Variants in ANTXR2 observed in about 807,000 individuals in gnomAD.
ANTXR2 encodes anthrax toxin receptor 2.
Under a neutral mutation model 73.7 loss-of-function variants are expected in ANTXR2, and 44 were observed. That is an observed-to-expected ratio of 0.60 (90% confidence interval 0.47 to 0.77). The LOEUF (loss-of-function observed/expected upper bound fraction) is 0.77. Ranked by LOEUF, ANTXR2 falls within the 30% of genes least tolerant of loss-of-function variation. The pLI is 0.00. For missense variants in ANTXR2, 604 were observed against 592.5 expected (o/e 1.02, Z -0.20); for synonymous variants, 217 against 205.9 (o/e 1.05, Z -0.46).
At chr4:79,917,356 A>G (rs559242122) in intron 16 of ANTXR2, among the ~76,000 whole-genome samples, 16 of 152,224 alleles carry the variant, frequency 1.1e-4, no homozygotes, top group African/African-American at 3.9e-4. Context: ...GCCTTCCCCA[A>G]CCACAAGGTG....
At chr4:79,995,657 C>T (rs571281012) in intron 12 of ANTXR2, among the ~76,000 whole-genome samples, 11 of 151,832 alleles carry the variant, frequency 7.2e-5, no homozygotes, top group Non-Finnish European at 1.5e-4. Flanking sequence ...ATAAATATGG[C>T]CATATGTCTA....
chr4:80,017,742 A>G (rs1274476404), intron 11 of ANTXR2, among the ~76,000 whole-genome samples: 1 of 152,190 alleles, frequency 6.6e-6, no homozygotes, highest in Non-Finnish European at 1.5e-5. Context: ...ACAAACCACA[A>G]ATATTTGTAA....
At chr4:79,996,200 A>G (rs541922494) in intron 12 of ANTXR2, among the ~76,000 whole-genome samples, 1 of 152,086 alleles carries the variant, frequency 6.6e-6, no homozygotes, top group South Asian at 2.1e-4. Context: ...GCCATATGAC[A>G]TCTTTTTAAA....
chr4:80,031,318 G>A (rs1732683942), intron 10 of ANTXR2, among the ~76,000 whole-genome samples: 1 of 151,750 alleles, frequency 6.6e-6, no homozygotes, highest in Non-Finnish European at 1.5e-5. Context: ...TAATGTTTAT[G>A]GCTCTGATTA....
At chr4:79,937,813 A>C (rs1728336719) in intron 16 of ANTXR2, among the ~76,000 whole-genome samples, 1 of 149,652 alleles carries the variant, frequency 6.7e-6, no homozygotes, top group Admixed American at 6.7e-5. Flanking sequence ...CATCTGAGGT[A>C]CCGGGTTCAT....
At chr4:79,986,738 GCCC>G in intron 12 of ANTXR2, among the ~76,000 whole-genome samples, 1 of 152,048 alleles carries the variant, frequency 6.6e-6, no homozygotes, top group South Asian at 2.1e-4. Context: ...TTTGTCAACA[GCCC>G]CCATCAGAGT....
chr4:80,001,886 GTTTTCCAT>G (rs1731059023), intron 12 of ANTXR2, among the ~76,000 whole-genome samples: 1 of 150,086 alleles, frequency 6.7e-6, no homozygotes, highest in African/African-American at 2.4e-5. Context: ...GCCTTTTTTT[GTTTTCCAT>G]TTGCTTGGTA....
At chr4:80,012,997 G>A (rs1314163595) in intron 11 of ANTXR2, among the ~76,000 whole-genome samples, 1 of 152,206 alleles carries the variant, frequency 6.6e-6, no homozygotes, top group Non-Finnish European at 1.5e-5. Context: ...ATACAGCAGA[G>A]CTGAACACAG....
chr4:79,990,380 T>TAAAAAAAAAAAAA, intron 12 of ANTXR2, among the ~76,000 whole-genome samples: 1 of 14,530 alleles, frequency 6.9e-5, no homozygotes, highest in Non-Finnish European at 1.8e-4. Flanking sequence ...ATAACAACAG[T>TAAAAAAAAAAAAA]TACAAAAAAA....
rs536631825 is a variant in ANTXR2 at position 80,041,243 on chromosome 4, C to G, written c.637-5211G>C. ...GTCCAAACCCCATTCTTCTAGCCAG[C>G]ACCTTCCACCACCCTCCAGGTTTGT... On this transcript the variant is annotated intron_variant, in intron 7 of 16. Transcript: ENST00000403729. 3.3e-5 allele frequency among the ~76,000 whole-genome samples: 5 copies of G among 152,134 alleles called. No homozygotes were observed. In the South Asian group the frequency reaches 1.0e-3, roughly 32 times the overall value.
At chr4:80,019,750 C>T (rs2110069764) in intron 10 of ANTXR2, among the ~76,000 whole-genome samples, 1 of 152,240 alleles carries the variant, frequency 6.6e-6, no homozygotes, top group African/African-American at 2.4e-5. Context: ...GTATTTGTTG[C>T]AGATGGTCCA....
chr4:80,015,948 G>GAAAGGAAAGGAAAGGAAAGGAAAGGAA (rs1731842737), intron 11 of ANTXR2, among the ~76,000 whole-genome samples: 1 of 114,122 alleles, frequency 8.8e-6, no homozygotes, highest in African/African-American at 4.2e-5. Flanking sequence ...GAAAGGAAAG[G>GAAAGGAAAGGAAAGGAAAGGAAAGGAA]AAAGGAAAGG....
chr4:80,061,348 A>G (rs1734244126), intron 3 of ANTXR2, among the ~76,000 whole-genome samples: 1 of 151,680 alleles, frequency 6.6e-6, no homozygotes, highest in African/African-American at 2.4e-5. Context: ...GAAATAATCT[A>G]CCACTAAAAC....
chr4:79,961,619 T>C (rs966484365), intron 16 of ANTXR2, among the ~76,000 whole-genome samples: 10 of 152,034 alleles, frequency 6.6e-5, no homozygotes, highest in Non-Finnish European at 7.4e-5. Context: ...TTTGTATTTT[T>C]TGTAGAGACG....
chr4:79,960,632 C>T (rs1281904343), intron 16 of ANTXR2, among the ~76,000 whole-genome samples: 1 of 151,860 alleles, frequency 6.6e-6, no homozygotes, highest in Admixed American at 6.6e-5. Context: ...TCCTTATTTT[C>T]TGTTTCCTTC....
At chr4:80,066,941 T>A (rs1211313107) in intron 3 of ANTXR2, among the ~76,000 whole-genome samples, 1 of 152,166 alleles carries the variant, frequency 6.6e-6, no homozygotes, top group East Asian at 1.9e-4. Context: ...CTCACGCCTG[T>A]AATCCTAGCA....
chr4:80,004,033 C>G (rs1478440105), intron 12 of ANTXR2, among the ~76,000 whole-genome samples: 1 of 151,630 alleles, frequency 6.6e-6, no homozygotes, highest in Admixed American at 6.6e-5. Flanking sequence ...GTGAATAATT[C>G]AACAGACTGT....
rs201777286 is a variant in ANTXR2 at position 80,008,322 on chromosome 4, GCTT to G, written c.1041+196_1041+198del. Among the ~76,000 whole-genome samples, 99 of 152,118 alleles carry G rather than the reference GCTT, an allele frequency of 6.5e-4. 1 individual carries two copies. The East Asian group carries it at 0.017, about 26-fold the overall frequency. The stretch of plus-strand genomic sequence containing the variant: ...CTTCCCACAAACCTGATTTAAAAGT[GCTT>G]TTTAGATGAATTTTTTAAATAAATA... On this transcript the variant is annotated intron_variant, in intron 12 of 16. Coordinates refer to ENST00000403729, the MANE Select transcript of ANTXR2 (RefSeq NM_058172.6).
chr4:79,919,919 AT>A (rs1237942010), intron 16 of ANTXR2, among the ~76,000 whole-genome samples: 11 of 14,816 alleles, frequency 7.4e-4, no homozygotes, highest in African/African-American at 3.5e-3. Flanking sequence ...ATATATATAT[AT>A]AAAAAATGAT....
Sources: allele counts gnomAD v4.1 joint callset (sites outside exome capture counted in the v4.1 genomes callset), GRCh38; gene constraint gnomAD v4.1.1; transcripts MANE v1.5; gene names NCBI Gene and HGNC (gene_info 2026-07-23, HGNC 2026-07-21).